The following TMC4 variants were observed in gnomAD, a reference collection of about 807,000 sequenced individuals.
TMC4 encodes the protein voltage-gated chloride channel TMC4.
TMC4 carries 70 observed loss-of-function variants against 82.0 expected under a neutral mutation model. The observed-to-expected ratio is 0.85, with a 90% CI of 0.70 to 1.04. The LOEUF is 1.04. TMC4 is among the 50% of genes least tolerant of loss of function. The pLI is 0.00. For missense variants in TMC4, 879 were observed against 899.0 expected (o/e 0.98, Z 0.28); for synonymous variants, 446 against 406.0 (o/e 1.10, Z -1.18).
intron 3 of TMC4, among the ~76,000 whole-genome samples, chr19:54,168,907 C>T (rs1227679223): frequency 0.054 from 594 of 11,094 alleles, 200 homozygotes; most frequent in East Asian, 0.14. Context: ...TTTCTTTCTT[C>T]TTTCTTTCCT....
At chr19:54,163,977 C>CTTCTTT in intron 7 of TMC4, 90 bp from the exon 8 acceptor site, 3 of 1,019,350 alleles carry the variant, frequency 2.9e-6, no homozygotes, top group South Asian at 1.8e-5. Flanking sequence ...TCTTCTTCTT[C>CTTCTTT]TTTTTTTTTT....
intron 1 of TMC4, chr19:54,172,761 A>C: frequency 2.5e-6 from 1 of 402,970 alleles, no homozygotes; most frequent in Non-Finnish European, 4.4e-6. Flanking sequence ...CCTCTAGCTC[A>C]GGAGTGTGGG....
chr19:54,172,177 C>T (rs1295543229), intron 1 of TMC4, 94 bp from the exon 2 acceptor site: 2 of 1,257,696 alleles, frequency 1.6e-6, no homozygotes, highest in Non-Finnish European at 1.0e-6. Flanking sequence ...CCCCTCCTCC[C>T]TCAGACCCAG....
chr19:54,160,721 C>A (rs1005801458), intron 13 of TMC4, 157 bp downstream of exon 13: 1 of 1,408,732 alleles, frequency 7.1e-7, no homozygotes, highest in Non-Finnish European at 9.6e-7. Flanking sequence ...CCGCCCACCT[C>A]CTCCTTCGGA....
chr19:54,164,884 A>G (rs2075662668), intron 6 of TMC4, among the ~76,000 whole-genome samples: 1 of 151,778 alleles, frequency 6.6e-6, no homozygotes, highest in Non-Finnish European at 1.5e-5. Flanking sequence ...CAGCATCCCA[A>G]GACCCGCCCC....
intron 2 of TMC4, among the ~76,000 whole-genome samples, chr19:54,169,882 G>A (rs950852461): frequency 2.6e-5 from 4 of 151,782 alleles, no homozygotes; most frequent in Non-Finnish European, 5.9e-5. Flanking sequence ...CTGAGGTCAG[G>A]AGTTCGAGAC....
chr19:54,160,280 T>C lies in TMC4; in HGVS notation c.*26A>G, dbSNP rs2075505027. On this transcript the variant is annotated 3_prime_UTR_variant, in exon 15 of 15. Transcript: ENST00000619895. ...CTAGGCTTACAATGGGCCTGGGGTC[T>C]GAAAGCGGGACGTGGGCTGCGGGGG... The C allele has an allele frequency of 6.6e-7, 1 of 1,513,228 alleles. No homozygotes were observed. Among genetic ancestry groups the C allele is most frequent in the Non-Finnish European group, 8.8e-7 (1 of 1,131,880 alleles). 93.7% of individuals were successfully genotyped at this position (1,513,228 alleles called of 1,614,324 possible). A position where few individuals can be genotyped will look rare whatever the true frequency, so the allele number is the denominator to read the frequency against.
Position 54,169,517 on chromosome 19 carries a change from A to T in TMC4, c.437T>A (p.Ile146Asn). 6.2e-7 allele frequency: 1 copy of T among 1,611,516 alleles called. No individual in the cohort carries two copies. The highest frequency in any genetic ancestry group is 8.5e-7 in the Non-Finnish European group (1 of 1,179,400). Residue 146 changes from isoleucine to asparagine, a missense_variant, in exon 3 of 15, where the codon ATC becomes AAC. Transcript: ENST00000619895. ...CCACCCAAACCCCACCGCACCCCCG[A>T]TCCTCTTCAGTGTCCACGCCCAGGG... ...LQPWAWTLKR[I>N]GGQFGAGTES...
chr19:54,168,042 A>C (rs1324357845), intron 5 of TMC4, 129 bp downstream of exon 5: 3 of 1,164,440 alleles, frequency 2.6e-6, no homozygotes, highest in Non-Finnish European at 2.4e-6. Flanking sequence ...TAGCCTGGGC[A>C]ATAAGAGCAA....
rs1404223239 is a variant in TMC4, at chr19:54,169,639, G to A, written c.315C>T (p.Asp105=). Residue 105 remains aspartate (D), a synonymous_variant, in exon 3 of 15, where the codon GAC becomes GAT. Transcript: ENST00000619895. ...RAHRQRNASR[D]QVVYGSGTKT... is the part of the protein sequence containing the mutation. ...TAGTTCCAGAGCCATAGACCACCTG[G>A]TCCCTGCTGGCATTTCTTTGCCTGG... is the stretch of plus-strand genomic sequence containing the variant. 8 of 1,613,736 alleles carry A rather than the reference G, an allele frequency of 5.0e-6. No homozygotes were observed. The Admixed American group carries it at 1.3e-4, about 27-fold the overall frequency.
chr19:54,169,220 G>C (rs182159366), intron 3 of TMC4, among the ~76,000 whole-genome samples: 33 of 150,842 alleles, frequency 2.2e-4, no homozygotes, highest in African/African-American at 7.6e-4. Flanking sequence ...TTTTGGTAGA[G>C]ACGGGGGTTT....
chr19:54,167,017 G>A (rs1445885181), intron 5 of TMC4, among the ~76,000 whole-genome samples: 1 of 152,082 alleles, frequency 6.6e-6, no homozygotes, highest in African/African-American at 2.4e-5. Flanking sequence ...CCAGCACCTT[G>A]GGAGGCTGAG....
At chr19:54,171,788 C>T (rs2075895897) in intron 2 of TMC4, 82 bp downstream of exon 2, 1 of 1,320,434 alleles carries the variant, frequency 7.6e-7, no homozygotes, top group East Asian at 2.5e-5. Flanking sequence ...CGGCAGAGGA[C>T]AGAGGGAGGA....
chr19:54,165,537 A>G lies in TMC4; in HGVS notation c.827T>C (p.Leu276Pro). The change falls in exon 6 of 15, where the codon CTG (leucine) becomes CCG (proline). Residue 276 changes from leucine (L) to proline (P), a missense_variant. By Grantham distance (98) the Leu-to-Pro change is moderately conservative. Transcript: ENST00000619895. The part of the protein sequence containing the change: ...RSVSGLKQTL[L>P]AESEALTSYS... The stretch of plus-strand genomic sequence containing the variant: ...GCTGGTCAGAGCCTCGGACTCCGCC[A>G]GCAGTGTCTGCTTCAGCCCAGACAC... 2 of 1,610,472 alleles carry G rather than the reference A, an allele frequency of 1.2e-6. No homozygotes were observed. The highest frequency in any genetic ancestry group is 1.7e-6 in the Non-Finnish European group (2 of 1,177,904).
intron 6 of TMC4, among the ~76,000 whole-genome samples, chr19:54,165,066 C>A (rs992132445): frequency 1.5e-4 from 22 of 143,358 alleles, no homozygotes; most frequent in East Asian, 4.3e-4. Context: ...TAAAAAAAAA[C>A]AAACTTTTTT....
intron 3 of TMC4, among the ~76,000 whole-genome samples, chr19:54,168,882 C>CTTTTCTTTTT (rs2075794184): frequency 4.9e-5 from 1 of 20,252 alleles, no homozygotes; most frequent in Non-Finnish European, 8.5e-5. Context: ...CTTTTCTTTT[C>CTTTTCTTTTT]TTTTCTTTCT....
intron 10 of TMC4, 96 bp from the exon 11 acceptor site, chr19:54,162,381 A>G: frequency 3.2e-6 from 1 of 316,354 alleles, no homozygotes; most frequent in South Asian, 3.0e-5. Flanking sequence ...AAGCATGCGT[A>G]TTGGTGGTGG....
intron 5 of TMC4, 143 bp from the exon 6 acceptor site, chr19:54,165,709 GAA>G: frequency 2.1e-6 from 2 of 956,652 alleles, no homozygotes; most frequent in Non-Finnish European, 3.0e-6. Context: ...ACCAGATGGG[GAA>G]AGAGTCAAAG....
intron 2 of TMC4, among the ~76,000 whole-genome samples, chr19:54,171,577 GAC>G (rs1019539317): frequency 6.6e-6 from 1 of 152,178 alleles, no homozygotes; most frequent in African/African-American, 2.4e-5. Context: ...ACAGATTTTG[GAC>G]ACACACACAG....
Sources: allele counts gnomAD v4.1 joint callset (sites outside exome capture counted in the v4.1 genomes callset), GRCh38; gene constraint gnomAD v4.1.1; transcripts MANE v1.5; gene names NCBI Gene and HGNC (gene_info 2026-07-23, HGNC 2026-07-21).